NXPE2: variants seen among roughly 807,000 people sequenced by gnomAD.
The protein encoded by NXPE2 is NXPE family member 2.
Under a neutral mutation model 34.4 loss-of-function variants are expected in NXPE2, and 34 were observed. That is an observed-to-expected ratio of 0.99 (90% CI 0.75 to 1.31). The LOEUF is 1.31. Among genes scored for constraint, NXPE2 ranks in the 40% most tolerant of loss-of-function variants. NXPE2 has a pLI of 0.00. For synonymous variants in NXPE2, 235 were observed against 231.3 expected, an observed-to-expected ratio of 1.02 and a Z score of -0.15; for missense variants, 649 against 672.5, an observed-to-expected ratio of 0.97 and a Z score of 0.39.
the NXPE2 span, among the ~76,000 whole-genome samples, chr11:114,796,914 A>G: frequency 1.3e-5 from 2 of 152,230 alleles, no homozygotes; most frequent in African/African-American, 4.8e-5. Context: ...CAGATGGAAA[A>G]GTATGGTGAG....
chr11:114,544,943 A>G, the NXPE2 span, among the ~76,000 whole-genome samples: 109 of 152,358 alleles, frequency 7.2e-4, no homozygotes, highest in Non-Finnish European at 1.1e-3. Context: ...GACACGCATT[A>G]CAACTAAATA....
the NXPE2 span, among the ~76,000 whole-genome samples, chr11:114,542,861 A>T: frequency 4.1e-4 from 63 of 152,368 alleles, 1 homozygote; most frequent in East Asian, 0.011. Flanking sequence ...CCCTATGAAG[A>T]CATGAATATA....
At chr11:114,665,983 A>AGG in the NXPE2 span, among the ~76,000 whole-genome samples, 1 of 152,090 alleles carries the variant, frequency 6.6e-6, no homozygotes, top group Non-Finnish European at 1.5e-5. Flanking sequence ...CAGGGTTAGG[A>AGG]GTTGAATCTA....
At chr11:114,684,341 G>A (rs1951004365) in intron 2 of NXPE2, among the ~76,000 whole-genome samples, 1 of 151,794 alleles carries the variant, frequency 6.6e-6, no homozygotes, top group African/African-American at 2.4e-5. Flanking sequence ...GCAGGAGAAT[G>A]GCATGAACCT....
the NXPE2 span, among the ~76,000 whole-genome samples, chr11:114,540,780 TGTGTTA>T: frequency 6.7e-6 from 1 of 150,004 alleles, no homozygotes; most frequent in South Asian, 2.1e-4. Context: ...CTGGTTTTGA[TGTGTTA>T]GCCTGAGGGC....
the NXPE2 span, among the ~76,000 whole-genome samples, chr11:114,541,561 G>A: frequency 6.6e-6 from 1 of 152,210 alleles, no homozygotes; most frequent in African/African-American, 2.4e-5. Context: ...GCCCAAGGTG[G>A]TTGGGGTTCA....
chr11:114,781,633 C>T, the NXPE2 span, among the ~76,000 whole-genome samples: 465 of 151,874 alleles, frequency 3.1e-3, 1 homozygote, highest in African/African-American at 0.011. Context: ...GGGAGGAAGG[C>T]GAGATGGGAG....
the NXPE2 span, among the ~76,000 whole-genome samples, chr11:114,465,336 A>G: frequency 6.6e-6 from 1 of 152,230 alleles, no homozygotes; most frequent in Non-Finnish European, 1.5e-5. Context: ...CTGCAGCTAC[A>G]TGCAGCAACA....
At chr11:114,490,716 G>T in the NXPE2 span, among the ~76,000 whole-genome samples, 1 of 152,178 alleles carries the variant, frequency 6.6e-6, no homozygotes, top group Non-Finnish European at 1.5e-5. Flanking sequence ...ATGGATTAAA[G>T]ACTTAAATGT....
At chr11:114,516,590 T>C in the NXPE2 span, among the ~76,000 whole-genome samples, 1 of 152,108 alleles carries the variant, frequency 6.6e-6, no homozygotes, top group African/African-American at 2.4e-5. Context: ...TTATTATTAT[T>C]GAAAAACTTT....
At chr11:114,521,476 G>T in the NXPE2 span, among the ~76,000 whole-genome samples, 1 of 152,118 alleles carries the variant, frequency 6.6e-6, no homozygotes, top group Non-Finnish European at 1.5e-5. Context: ...AGATGTCCAG[G>T]CTCATGGTAT....
chr11:114,795,701 C>CAAT, the NXPE2 span, among the ~76,000 whole-genome samples: 3 of 152,196 alleles, frequency 2.0e-5, no homozygotes, highest in South Asian at 2.1e-4. Context: ...GGATGGTGCC[C>CAAT]TTGCTGGCAA....
At chr11:114,703,056 A>G (rs564211416) in intron 3 of NXPE2, among the ~76,000 whole-genome samples, 10 of 152,296 alleles carry the variant, frequency 6.6e-5, no homozygotes, top group African/African-American at 2.4e-4. Context: ...GACGAAGCTC[A>G]CTGTGCTGGC....
At chr11:114,536,981 A>G in the NXPE2 span, among the ~76,000 whole-genome samples, 1 of 152,360 alleles carries the variant, frequency 6.6e-6, no homozygotes, top group East Asian at 1.9e-4. Context: ...CAACAAAAAA[A>G]GAGAATTTTA....
At chr11:114,521,863 A>T in the NXPE2 span, 2 of 890,844 alleles carry the variant, frequency 2.2e-6, no homozygotes, top group Non-Finnish European at 3.5e-6. Flanking sequence ...AGATTCTTTT[A>T]AATTTATTTT....
the NXPE2 span, among the ~76,000 whole-genome samples, chr11:114,484,857 A>C: frequency 6.6e-6 from 1 of 152,220 alleles, no homozygotes. Context: ...AAAAATAATC[A>C]TTCATAATTC....
the NXPE2 span, among the ~76,000 whole-genome samples, chr11:114,581,060 T>G: frequency 6.6e-6 from 1 of 152,218 alleles, no homozygotes; most frequent in African/African-American, 2.4e-5. Context: ...TAGGTACATA[T>G]TTACACTTCA....
the NXPE2 span, among the ~76,000 whole-genome samples, chr11:114,632,045 A>G: frequency 6.9e-6 from 1 of 144,940 alleles, no homozygotes; most frequent in African/African-American, 2.5e-5. Flanking sequence ...TATAATATAT[A>G]ATTTAATAAT....
At chr11:114,675,332 T>G (rs1382250637), upstream of NXPE2, among the ~76,000 whole-genome samples, 1 of 151,570 alleles carries the variant, frequency 6.6e-6, no homozygotes, top group Non-Finnish European at 1.5e-5. Flanking sequence ...GAGAAAGAAA[T>G]AAAAGGCATC....
Sources: gnomAD v4.1 joint callset for allele counts (sites outside exome capture counted in the v4.1 genomes callset) on GRCh38, gnomAD v4.1.1 for gene constraint, MANE v1.5 for transcripts, NCBI Gene and HGNC (gene_info 2026-07-23, HGNC 2026-07-21) for gene names.